Variants in CFAP77 observed in about 807,000 individuals in gnomAD.
CFAP77 encodes the protein cilia and flagella associated protein 77, also known as cilia- and flagella-associated protein 77.
Under a neutral mutation model 31.1 loss-of-function variants are expected in CFAP77, and 25 were observed. That is an observed-to-expected ratio of 0.80 (90% CI 0.59 to 1.12). The LOEUF (loss-of-function observed/expected upper bound fraction) is 1.12, where lower values mean the gene tolerates loss of function less well. CFAP77 is among the 50% of genes most tolerant of loss of function. The pLI, the probability that CFAP77 is intolerant of heterozygous loss-of-function variation, is 0.00. For synonymous variants in CFAP77, 151 were observed against 159.9 expected (o/e 0.94, Z 0.42); for missense variants, 377 against 397.3 (o/e 0.95, Z 0.44).
chr9:132,458,503 G>C (rs1418724870), intron 1 of CFAP77, among the ~76,000 whole-genome samples: 2 of 152,204 alleles, frequency 1.3e-5, no homozygotes, highest in Admixed American at 6.5e-5. Flanking sequence ...ACAGTGATCA[G>C]CAGAAGAAAA....
At chr9:132,458,994 G>C (rs1007933110) in intron 1 of CFAP77, among the ~76,000 whole-genome samples, 2 of 152,124 alleles carry the variant, frequency 1.3e-5, no homozygotes, top group Non-Finnish European at 2.9e-5. Context: ...AATTTCCTTC[G>C]GGGTAAAAAT....
intron 3 of CFAP77, among the ~76,000 whole-genome samples, chr9:132,515,367 C>T (rs1012124548): frequency 3.3e-5 from 5 of 152,172 alleles, no homozygotes; most frequent in African/African-American, 1.2e-4. Context: ...ACCTCCCTCC[C>T]AGGGCTGCAG....
intron 1 of CFAP77, among the ~76,000 whole-genome samples, chr9:132,460,944 T>G (rs916538056): frequency 6.6e-6 from 1 of 152,130 alleles, no homozygotes; most frequent in Non-Finnish European, 1.5e-5. Context: ...CAGGCTGGCC[T>G]CAAACTCCTG....
chr9:132,519,316 GTGAA>G (rs1337898053), intron 3 of CFAP77, among the ~76,000 whole-genome samples: 167 of 3,768 alleles, frequency 0.044, no homozygotes, highest in Admixed American at 0.05. Context: ...GGATGGGTGG[GTGAA>G]TGAATGGATG....
At chr9:132,537,864 A>G (rs1852573927) in intron 4 of CFAP77, among the ~76,000 whole-genome samples, 158 bp downstream of exon 4, 1 of 152,190 alleles carries the variant, frequency 6.6e-6, no homozygotes, top group Non-Finnish European at 1.5e-5. Context: ...GAGAATCTAC[A>G]GCTGAAAGCA....
rs188758987 is a variant in CFAP77, at chr9:132,416,856, C to T, written c.195+6390C>T. On this transcript the variant is annotated intron_variant, in intron 1 of 5. Coordinates refer to ENST00000393216, the MANE Select transcript of CFAP77 (RefSeq NM_001282957.2). ...TTTCACCACGTTGGCCAGGCTGGTC[C>T]GAACTCCTGACCTCAAGTGATCTGT... is the stretch of plus-strand genomic sequence containing the variant. 2.9e-3 allele frequency among the ~76,000 whole-genome samples: 444 copies of T among 150,702 alleles called. 2 individuals carry two copies. Among genetic ancestry groups the T allele is most frequent in the African/African-American group, 1.0e-2 (410 of 41,046 alleles).
chr9:132,435,208 C>A (rs565542731), intron 1 of CFAP77, among the ~76,000 whole-genome samples: 2 of 152,288 alleles, frequency 1.3e-5, no homozygotes, highest in Admixed American at 1.3e-4. Context: ...TTAAAACAAT[C>A]CTTCCTCTCC....
At chr9:132,448,910 G>C (rs1399253980) in intron 1 of CFAP77, among the ~76,000 whole-genome samples, 2 of 152,128 alleles carry the variant, frequency 1.3e-5, no homozygotes, top group African/African-American at 4.8e-5. Context: ...ATTATGAGCA[G>C]TCGGGGAGTG....
rs787898 is a variant in CFAP77, at chr9:132,495,663, A to G, written c.196-3032A>G. Among the ~76,000 whole-genome samples the G allele has an allele frequency of 0.2, 30,300 of 152,194 alleles. 3,659 individuals are homozygous for G. The highest frequency in any genetic ancestry group is 0.33 in the African/African-American group (13,882 of 41,482). ...GTGTAAAGAAGAGCCAATGGTCTCA[A>G]AGTAGGCTGTATGAACTGCATGTCT... On this transcript the variant is annotated intron_variant, in intron 1 of 5. Coordinates refer to ENST00000393216, the MANE Select transcript of CFAP77 (RefSeq NM_001282957.2). This position sits in a 1 kb window ranked among gnomAD's most constrained non-coding sequence, Gnocchi z 4.2.
At chr9:132,462,895 A>C (rs1044161397) in intron 1 of CFAP77, among the ~76,000 whole-genome samples, 1 of 152,206 alleles carries the variant, frequency 6.6e-6, no homozygotes, top group African/African-American at 2.4e-5. Flanking sequence ...TATTTTACAG[A>C]GTGAACTCCA....
chr9:132,428,551 G>A (rs1302616460), intron 1 of CFAP77, among the ~76,000 whole-genome samples: 2 of 152,148 alleles, frequency 1.3e-5, no homozygotes, highest in African/African-American at 4.8e-5. Context: ...GGAGGCGGAG[G>A]TTGTAGTGAG....
intron 1 of CFAP77, among the ~76,000 whole-genome samples, chr9:132,459,933 CGTGA>C (rs1292118942): frequency 2.0e-5 from 3 of 150,262 alleles, no homozygotes; most frequent in Non-Finnish European, 4.4e-5. Flanking sequence ...TGAGTGTGTG[CGTGA>C]GTGTGTGTGA....
intron 1 of CFAP77, among the ~76,000 whole-genome samples, chr9:132,419,920 G>A (rs1850180972): frequency 6.6e-6 from 1 of 151,338 alleles, no homozygotes; most frequent in African/African-American, 2.4e-5. Context: ...CAGTACTTTG[G>A]GAGGCTGAGG....
chr9:132,499,240 G>A lies in CFAP77; in HGVS notation c.296-132G>A. On this transcript the variant is annotated intron_variant, in intron 2 of 5. Coordinates refer to ENST00000393216, the MANE Select transcript of CFAP77 (RefSeq NM_001282957.2). This position sits in a 1 kb window ranked among gnomAD's most constrained non-coding sequence, Gnocchi z 5.4. The stretch of plus-strand genomic sequence containing the variant: ...ATCATGCTTTCTGGGGGCCAGGCAG[G>A]GTTGTCACCCAGTAGGCTCAGGTAA... 1.3e-6 allele frequency: 1 copy of A among 754,964 alleles called. No homozygotes were observed. Among genetic ancestry groups the A allele is most frequent in the East Asian group, 2.7e-5 (1 of 37,156 alleles). The allele number at this position is 754,964 out of a possible 1,614,324, so 46.8% of individuals were successfully genotyped here.
intron 5 of CFAP77, among the ~76,000 whole-genome samples, chr9:132,570,902 C>T (rs1297054360): frequency 6.6e-6 from 1 of 152,158 alleles, no homozygotes; most frequent in African/African-American, 2.4e-5. Context: ...CAGCCCTGAA[C>T]CACACTCTGC....
At chr9:132,556,427 G>T (rs1417069573) in intron 5 of CFAP77, among the ~76,000 whole-genome samples, 1 of 152,158 alleles carries the variant, frequency 6.6e-6, no homozygotes, top group Non-Finnish European at 1.5e-5. Flanking sequence ...CCCCCTCCCC[G>T]GCGGCTCAGC....
intron 5 of CFAP77, among the ~76,000 whole-genome samples, chr9:132,550,963 G>T (rs1402417806): frequency 6.6e-6 from 1 of 152,170 alleles, no homozygotes. Flanking sequence ...AACACAGCCT[G>T]ACTGGCTACC....
At chr9:132,418,900 A>C (rs1850159859) in intron 1 of CFAP77, among the ~76,000 whole-genome samples, 1 of 152,244 alleles carries the variant, frequency 6.6e-6, no homozygotes, top group South Asian at 2.1e-4. Flanking sequence ...ACCAGAAATT[A>C]AGCTCACAGT....
At chr9:132,427,563 C>T (rs926970512) in intron 1 of CFAP77, among the ~76,000 whole-genome samples, 3 of 152,032 alleles carry the variant, frequency 2.0e-5, no homozygotes, top group African/African-American at 7.2e-5. Context: ...TGCAGTGAGC[C>T]GAGATCACGC....
Sources: allele counts gnomAD v4.1 joint callset (sites outside exome capture counted in the v4.1 genomes callset), GRCh38; gene constraint gnomAD v4.1.1; non-coding constraint Gnocchi (gnomAD v3.1); transcripts MANE v1.5; gene names NCBI Gene and HGNC (gene_info 2026-07-23, HGNC 2026-07-21).